The following SLC25A24 variants were observed in gnomAD, a reference collection of about 807,000 sequenced individuals.
SLC25A24 encodes the protein mitochondrial adenyl nucleotide antiporter SLC25A24.
Under a neutral mutation model 60.7 loss-of-function variants are expected in SLC25A24, and 49 were observed. The observed-to-expected ratio is 0.81, with a 90% CI of 0.64 to 1.02. The LOEUF (loss-of-function observed/expected upper bound fraction) is 1.02. SLC25A24 is among the 50% of genes least tolerant of loss of function. The probability of loss-of-function intolerance (pLI) is 0.00; values close to 1 mark genes in which losing one functional copy is unlikely to be tolerated. For synonymous variants in SLC25A24, 202 were observed against 200.6 expected, an observed-to-expected ratio of 1.01 and a Z score of -0.06; for missense variants, 564 against 586.3, an observed-to-expected ratio of 0.96 and a Z score of 0.39.
chr1:108,168,032 CT>C (rs1558018858), intron 3 of SLC25A24, among the ~76,000 whole-genome samples: 1 of 152,152 alleles, frequency 6.6e-6, no homozygotes, highest in Admixed American at 6.5e-5. Context: ...AAAGAAGGTG[CT>C]CATTTATTTA....
At position 108,157,623 on chromosome 1, in the gene SLC25A24, G is replaced by A. The variant is rs374377137; in HGVS notation, c.511-3C>T. ...AAGCTATCCCCTATGTCAATTCCCT[G>A]TAAAAATGAAAAAAAGATCCCCATG... On this transcript the variant is annotated splice_region_variant and splice_polypyrimidine_tract_variant and intron_variant, in intron 4 of 9. Coordinates refer to ENST00000565488, the MANE Select transcript of SLC25A24 (RefSeq NM_013386.5). The A allele has an allele frequency of 4.6e-5, 74 of 1,606,108 alleles. 1 individual carries two copies. The East Asian group carries it at 6.5e-4, about 14-fold the overall frequency.
rs1648371011 is a variant in SLC25A24 at position 108,192,437 on chromosome 1, T to G, written c.184-6483A>C. ...TGTAAATTTTGCCCTCTCTGCCCAA[T>G]GCCTCTCCAGGGCTCCCAGCCCCAA... On this transcript the variant is annotated intron_variant, in intron 1 of 9. Transcript: ENST00000565488. 3.9e-6 allele frequency: 5 copies of G among 1,285,280 alleles called. 1 individual carries two copies. The highest frequency in any genetic ancestry group is 5.4e-6 in the Non-Finnish European group (5 of 929,090). 79.6% of individuals were successfully genotyped at this position (1,285,280 alleles called of 1,614,324 possible).
intron 2 of SLC25A24, among the ~76,000 whole-genome samples, chr1:108,183,627 C>T (rs115260092): frequency 0.011 from 1,663 of 152,252 alleles, 24 homozygotes; most frequent in African/African-American, 0.036. Flanking sequence ...GCTTATCAAA[C>T]GCATATATTT....
intron 1 of SLC25A24, among the ~76,000 whole-genome samples, chr1:108,195,102 A>G (rs1003512806): frequency 1.3e-5 from 2 of 152,246 alleles, no homozygotes; most frequent in Non-Finnish European, 2.9e-5. Context: ...TTCAATCCTT[A>G]AAAAGATAAG....
At chr1:108,183,484 G>C (rs1297633692) in intron 2 of SLC25A24, among the ~76,000 whole-genome samples, 1 of 152,162 alleles carries the variant, frequency 6.6e-6, no homozygotes, top group Non-Finnish European at 1.5e-5. Context: ...AACAGGGTTA[G>C]GTTCCTGTGA....
intron 2 of SLC25A24, among the ~76,000 whole-genome samples, chr1:108,184,424 A>G (rs2101640034): frequency 6.6e-6 from 1 of 152,348 alleles, no homozygotes; most frequent in South Asian, 2.1e-4. Flanking sequence ...AGGGGCATAT[A>G]TTGTAAGGCT....
rs1679227635 is a variant in SLC25A24, at chr1:108,134,527, C to T, written c.*2126G>A. On this transcript the variant is annotated 3_prime_UTR_variant, in exon 10 of 10. Transcript: ENST00000565488. ...TGGGTCCCCCTTGGTACTGTGAACC[C>T]CAGGGCTGTAACTCTAATGGGTAAA... 1 of 152,084 alleles carries T rather than the reference C, an allele frequency of 6.6e-6. No individual in the cohort carries two copies. The allele number at this position is 152,084 out of a possible 1,614,324, so 9.4% of individuals were successfully genotyped here. A position where few individuals can be genotyped will look rare whatever the true frequency, so the allele number is the denominator to read the frequency against.
intron 4 of SLC25A24, among the ~76,000 whole-genome samples, chr1:108,158,811 C>G (rs1366271147): frequency 6.6e-6 from 1 of 151,498 alleles, no homozygotes; most frequent in Non-Finnish European, 1.5e-5. Context: ...ACCATCCTGG[C>G]TAACACGGTG....
intron 1 of SLC25A24, chr1:108,192,736 C>A: frequency 7.2e-7 from 1 of 1,397,218 alleles, no homozygotes. Flanking sequence ...AGGCCTAAGA[C>A]AGCATCCTCC....
chr1:108,177,014 G>A (rs1647696189), intron 3 of SLC25A24, among the ~76,000 whole-genome samples: 1 of 152,124 alleles, frequency 6.6e-6, no homozygotes, highest in South Asian at 2.1e-4. Flanking sequence ...TACATCTGTA[G>A]TAGGAAAGAG....
chr1:108,199,898 G>C, intron 1 of SLC25A24, 58 bp downstream of exon 1: 10 of 1,382,468 alleles, frequency 7.2e-6, no homozygotes, highest in Non-Finnish European at 9.0e-6. Flanking sequence ...GGTCCTCGCA[G>C]TGTCCCCAGC....
chr1:108,199,984 C>T lies in SLC25A24; in HGVS notation c.155G>A (p.Gly52Asp). The change falls in exon 1 of 10, where the codon GGC becomes GAC. Residue 52 changes from glycine (G) to aspartate (D), a missense_variant. By Grantham distance (94) the Gly-to-Asp change is moderately conservative. Transcript: ENST00000565488. ...CTCGGCGTCCTGGCCCAGAGGGATG[C>T]CCAGGTTCCTGAGCCCCTCCTGCAG... ...GELQEGLRNL[G>D]IPLGQDAEEK... 1 of 1,610,726 alleles carries T rather than the reference C, an allele frequency of 6.2e-7. No individual in the cohort carries two copies.
intron 1 of SLC25A24, among the ~76,000 whole-genome samples, chr1:108,197,557 G>A (rs756082328): frequency 2.0e-5 from 3 of 152,158 alleles, no homozygotes; most frequent in Non-Finnish European, 4.4e-5. Context: ...AAGGTTGACT[G>A]TGTAATCCTA....
intron 2 of SLC25A24, among the ~76,000 whole-genome samples, 185 bp downstream of exon 2, chr1:108,185,643 T>C (rs1648097687): frequency 6.6e-6 from 1 of 152,090 alleles, no homozygotes; most frequent in Non-Finnish European, 1.5e-5. Flanking sequence ...AGAAAAGCTA[T>C]CTATAAGTTT....
chr1:108,146,454 T>C (rs190151484), intron 7 of SLC25A24, among the ~76,000 whole-genome samples: 16 of 152,354 alleles, frequency 1.1e-4, no homozygotes, highest in Non-Finnish European at 2.4e-4. Context: ...AATACTACGT[T>C]GAATAGGAGT....
chr1:108,196,950 T>G (rs1648516998), intron 1 of SLC25A24, among the ~76,000 whole-genome samples: 1 of 152,240 alleles, frequency 6.6e-6, no homozygotes, highest in South Asian at 2.1e-4. Flanking sequence ...CTGTATCTCC[T>G]TGTTCTCACA....
chr1:108,171,208 G>A (rs1647449798), intron 3 of SLC25A24, among the ~76,000 whole-genome samples: 1 of 150,992 alleles, frequency 6.6e-6, no homozygotes, highest in East Asian at 2.0e-4. Flanking sequence ...CAGTTTCAAT[G>A]GTTTACCTTG....
rs1253641166 is a variant in SLC25A24, at chr1:108,135,936, C to T, written c.*717G>A. On this transcript the variant is annotated 3_prime_UTR_variant, in exon 10 of 10. Transcript: ENST00000565488. ...TTCCTGCTGCTTTTCAAAGCAATGGCAGGATAAACGGAATCTTTCAAATAA... is the reference window on the plus strand; with the variant it reads ...TTCCTGCTGCTTTTCAAAGCAATGGTAGGATAAACGGAATCTTTCAAATAA... The T allele has an allele frequency of 6.6e-6, 1 of 152,202 alleles. No homozygotes were observed. Among genetic ancestry groups the T allele is most frequent in the Non-Finnish European group, 1.5e-5 (1 of 68,028 alleles). The allele number at this position is 152,202 out of a possible 1,614,324, so 9.4% of individuals were successfully genotyped here.
At chr1:108,171,792 A>C (rs1647470903) in intron 3 of SLC25A24, among the ~76,000 whole-genome samples, 1 of 152,224 alleles carries the variant, frequency 6.6e-6, no homozygotes, top group Non-Finnish European at 1.5e-5. Context: ...TAACTCATTT[A>C]ATCCTTAAAA....
Sources: allele counts gnomAD v4.1 joint callset (sites outside exome capture counted in the v4.1 genomes callset), GRCh38; gene constraint gnomAD v4.1.1; transcripts MANE v1.5; gene names NCBI Gene and HGNC (gene_info 2026-07-23, HGNC 2026-07-21).